Variants in COL22A1 observed in about 807,000 individuals in gnomAD.
COL22A1 encodes collagen alpha-1(XXII) chain.
A neutral mutation model predicts 248.9 loss-of-function variants in COL22A1; 221 were observed. The observed-to-expected ratio is 0.89, with a 90% confidence interval of 0.80 to 0.99. The LOEUF is 0.99. Among genes scored for constraint, COL22A1 ranks in the 50% least tolerant of loss-of-function variants. The pLI, the probability that COL22A1 is intolerant of heterozygous loss-of-function variation, is 0.00. For missense variants in COL22A1, 2,240 were observed against 2,179.0 expected, an observed-to-expected ratio of 1.03 and a Z score of -0.56; for synonymous variants, 891 against 793.4, an observed-to-expected ratio of 1.12 and a Z score of -2.07.
rs111574370 is a variant in COL22A1, at chr8:138,877,648, G to C, written c.658+102C>G. On this transcript the variant is annotated intron_variant, in intron 3 of 64. Transcript: ENST00000303045. ...CACCTGCTACTTCCCCCGCCTTCCT[G>C]GAGCCGGCCGTAGGATCCCTATCTG... 1,037 of 1,240,826 alleles carry C rather than the reference G, an allele frequency of 8.4e-4. 7 individuals carry two copies. In the African/African-American group the frequency reaches 0.014, roughly 17 times the overall value. The allele number at this position is 1,240,826 out of a possible 1,614,324, so 76.9% of individuals were successfully genotyped here. A position where few individuals can be genotyped will look rare whatever the true frequency, so the allele number is the denominator to read the frequency against.
chr8:138,648,986 A>G (rs1224881385), intron 46 of COL22A1, among the ~76,000 whole-genome samples: 1 of 152,230 alleles, frequency 6.6e-6, no homozygotes, highest in Non-Finnish European at 1.5e-5. Context: ...AATGCACATT[A>G]TATTCTAGTT....
intron 24 of COL22A1, 75 bp from the exon 25 acceptor site, chr8:138,724,743 G>T: frequency 1.4e-6 from 2 of 1,457,762 alleles, no homozygotes; most frequent in Non-Finnish European, 1.9e-6. Flanking sequence ...CTCTTTCCTG[G>T]CATGGGCCCA....
intron 1 of COL22A1, among the ~76,000 whole-genome samples, chr8:138,912,718 C>G (rs2132221195): frequency 6.6e-6 from 1 of 151,680 alleles, no homozygotes; most frequent in African/African-American, 2.4e-5. Flanking sequence ...CCATTGTACT[C>G]CAGCCTGGGA....
chr8:138,720,622 C>T (rs1448357457), intron 27 of COL22A1, 117 bp downstream of exon 27: 1 of 847,002 alleles, frequency 1.2e-6, no homozygotes. Context: ...GATGTGTCTC[C>T]TGCCAGGTCC....
At chr8:138,778,811 T>C (rs1216683646) in intron 14 of COL22A1, among the ~76,000 whole-genome samples, 1 of 152,226 alleles carries the variant, frequency 6.6e-6, no homozygotes, top group Non-Finnish European at 1.5e-5. Flanking sequence ...TGGCTCATCA[T>C]TCACACTTTG....
At chr8:138,817,280 G>A (rs568723394) in intron 7 of COL22A1, among the ~76,000 whole-genome samples, 6 of 152,326 alleles carry the variant, frequency 3.9e-5, no homozygotes, top group African/African-American at 4.8e-5. Context: ...CAGTTTACAC[G>A]TGTTGGGGAA....
chr8:138,638,396 G>A (rs1481291278), intron 47 of COL22A1, among the ~76,000 whole-genome samples: 1 of 152,088 alleles, frequency 6.6e-6, no homozygotes, highest in East Asian at 1.9e-4. Flanking sequence ...TGTTCATCTA[G>A]TAAATAAAGG....
intron 3 of COL22A1, among the ~76,000 whole-genome samples, chr8:138,857,901 C>T (rs1354532666): frequency 6.6e-6 from 1 of 152,202 alleles, no homozygotes. Flanking sequence ...TAAACCCAAA[C>T]CCATAGAGGT....
chr8:138,619,496 C>T lies in COL22A1; in HGVS notation c.3784G>A (p.Glu1262Lys), dbSNP rs776732508. Residue 1262 changes from glutamate (E) to lysine (K), a missense_variant, in exon 53 of 65, where the codon GAG becomes AAG. Coordinates refer to ENST00000303045, the MANE Select transcript of COL22A1 (RefSeq NM_152888.3). ...CCCTCTGGTCCTGGTAGACCTGGCTCTCCTGCTTTGCCCTGAGAGTAAGGA... is the reference window on the plus strand; with the variant it reads ...CCCTCTGGTCCTGGTAGACCTGGCTTTCCTGCTTTGCCCTGAGAGTAAGGA... ...GPPGEPGKAG[E>K]PGLPGPEGAR... The T allele has an allele frequency of 1.3e-5, 21 of 1,614,008 alleles. No individual in the cohort carries two copies. In the Admixed American group the frequency reaches 2.5e-4, roughly 19 times the overall value.
At chr8:138,725,769 ACACACACACACAC>A (rs1830258833) in intron 23 of COL22A1, among the ~76,000 whole-genome samples, 1 of 138,332 alleles carries the variant, frequency 7.2e-6, no homozygotes, top group Non-Finnish European at 1.5e-5. Flanking sequence ...ACACACACAC[ACACACACACACAC>A]ACACACACAC....
chr8:138,828,893 T>A (rs1819804671), intron 5 of COL22A1, among the ~76,000 whole-genome samples: 1 of 152,302 alleles, frequency 6.6e-6, no homozygotes, highest in East Asian at 1.9e-4. Context: ...ACCAGCTGAC[T>A]GCACCTTAAC....
intron 2 of COL22A1, among the ~76,000 whole-genome samples, chr8:138,880,134 G>A (rs1824080787): frequency 6.6e-6 from 1 of 152,192 alleles, no homozygotes; most frequent in Non-Finnish European, 1.5e-5. Flanking sequence ...AAATGTTGGA[G>A]ATAATACACA....
At chr8:138,879,953 C>A (rs1824062381) in intron 2 of COL22A1, among the ~76,000 whole-genome samples, 1 of 152,202 alleles carries the variant, frequency 6.6e-6, no homozygotes, top group South Asian at 2.1e-4. Flanking sequence ...CCTGCCTGCT[C>A]AGCAAGTGGC....
Position 138,805,575 on chromosome 8 carries a change from CTA to C in COL22A1, c.1494+2191_1494+2192del, listed in dbSNP as rs567349453. 1.8e-4 allele frequency among the ~76,000 whole-genome samples: 19 copies of C among 103,678 alleles called. No homozygotes were observed. In the South Asian group the frequency reaches 3.9e-3, roughly 22 times the overall value. The allele number at this position is 103,678 out of a possible 152,430, so 68.0% of individuals were successfully genotyped here. A position where few individuals can be genotyped will look rare whatever the true frequency, so the allele number is the denominator to read the frequency against. On this transcript the variant is annotated intron_variant, in intron 10 of 64. Coordinates refer to ENST00000303045, the MANE Select transcript of COL22A1 (RefSeq NM_152888.3). ...TGTGATGGTGTGTTATGGTGTGTGTCTATGTGTGATGGTATGTGTTTGTGATG... is the reference window on the plus strand; with the variant it reads ...TGTGATGGTGTGTTATGGTGTGTGTCTGTGTGATGGTATGTGTTTGTGATG...
intron 22 of COL22A1, among the ~76,000 whole-genome samples, chr8:138,746,889 C>A (rs74372914): frequency 0.011 from 1,653 of 152,288 alleles, 32 homozygotes; most frequent in African/African-American, 0.037. Flanking sequence ...TTCTAACTGG[C>A]CTCCTTCCTG....
chr8:138,766,761 T>G (rs1195970888), intron 16 of COL22A1, among the ~76,000 whole-genome samples: 1 of 152,090 alleles, frequency 6.6e-6, no homozygotes, highest in Non-Finnish European at 1.5e-5. Flanking sequence ...GGTCTCAAGC[T>G]GAAATGCCTG....
At chr8:138,806,181 G>GGTGTGTGGTGGTGTAT (rs1275253518) in intron 10 of COL22A1, among the ~76,000 whole-genome samples, 1 of 52,556 alleles carries the variant, frequency 1.9e-5, no homozygotes, top group South Asian at 7.4e-4. Flanking sequence ...TGTAAGTAAT[G>GGTGTGTGGTGGTGTAT]GTGTGTGATG....
intron 37 of COL22A1, 68 bp downstream of exon 37, chr8:138,688,849 T>C: frequency 7.4e-7 from 1 of 1,359,436 alleles, no homozygotes; most frequent in South Asian, 1.2e-5. Flanking sequence ...CAGAGTGAGC[T>C]GCTCCTTCAG....
intron 31 of COL22A1, among the ~76,000 whole-genome samples, chr8:138,700,985 T>C (rs898874321): frequency 2.9e-5 from 2 of 69,516 alleles, no homozygotes; most frequent in South Asian, 6.9e-4. Flanking sequence ...CGAGACTCCG[T>C]CTCAAAAAAA....
Sources: allele counts gnomAD v4.1 joint callset (sites outside exome capture counted in the v4.1 genomes callset), GRCh38; gene constraint gnomAD v4.1.1; transcripts MANE v1.5; gene names NCBI Gene and HGNC (gene_info 2026-07-23, HGNC 2026-07-21).